The following CORO1A variants were observed in gnomAD, a reference collection of about 807,000 sequenced individuals.
The protein encoded by CORO1A is coronin-1A.
Under a neutral mutation model 44.1 loss-of-function variants are expected in CORO1A, and 17 were observed. The ratio of observed to expected loss-of-function variants is 0.39; its 90% CI spans 0.26 to 0.58. CORO1A has a LOEUF of 0.58. CORO1A is among the 20% of genes least tolerant of loss of function. The probability of loss-of-function intolerance (pLI) is 0.62; values close to 1 mark genes in which losing one functional copy is unlikely to be tolerated. For missense variants in CORO1A, 415 were observed against 606.5 expected, an observed-to-expected ratio of 0.68 and a Z score of 3.32; for synonymous variants, 271 against 244.2, an observed-to-expected ratio of 1.11 and a Z score of -1.02.
At chr16:30,187,357 A>G in intron 5 of CORO1A, 25 bp from the exon 6 acceptor site, 1 of 1,608,932 alleles carries the variant, frequency 6.2e-7, no homozygotes, top group Non-Finnish European at 8.5e-7. Context: ...CGGGTGCCTG[A>G]CCTACCACCT....
Position 30,188,414 on chromosome 16 carries a change from C to T in CORO1A, c.1119C>T (p.Ala373=), listed in dbSNP as rs1281396825. 5.6e-6 allele frequency: 9 copies of T among 1,613,756 alleles called. No individual in the cohort carries two copies. Among genetic ancestry groups the T allele is most frequent in the Non-Finnish European group, 7.6e-6 (9 of 1,180,012 alleles). ...LYPPTAGPDP[A]LTAEEWLGGR... Reference sequence around the variant, plus strand: ...CACCCACCGCAGGGCCCGACCCTGCCCTCACGGCTGAGGAGTGGCTGGGGG... The same window carrying T: ...CACCCACCGCAGGGCCCGACCCTGCTCTCACGGCTGAGGAGTGGCTGGGGG... The change falls in exon 10 of 11, where the codon GCC becomes GCT. Residue 373 remains alanine, a synonymous_variant. Coordinates refer to ENST00000219150, the MANE Select transcript of CORO1A (RefSeq NM_007074.4).
In CORO1A at chr16:30,187,433, T is replaced by A; in HGVS notation, c.688T>A (p.Ser230Thr). The stretch of plus-strand genomic sequence containing the variant: ...CCGGCCCGTGCGTGCAGTGTTCGTG[T>A]CGGAGGGGAAGATCCTGACCACGGG... ...GTRPVRAVFV[S>T]EGKILTTGFS... Residue 230 changes from serine to threonine, a missense_variant, in exon 6 of 11, where the codon TCG (serine) becomes ACG (threonine). Transcript: ENST00000219150. 6.2e-7 allele frequency: 1 copy of A among 1,610,882 alleles called. No individual in the cohort carries two copies. Among genetic ancestry groups the A allele is most frequent in the Non-Finnish European group, 8.5e-7 (1 of 1,180,002 alleles).
rs1209635665 is a variant in CORO1A, at chr16:30,186,580, G to A, written c.199-18G>A. The stretch of plus-strand genomic sequence containing the variant: ...TTTGGGAGGCAAAAGCACCTCCAAG[G>A]CCCTGCTGTGCCTTTAGACTGGACG... On this transcript the variant is annotated intron_variant, in intron 2 of 10. Coordinates refer to ENST00000219150, the MANE Select transcript of CORO1A (RefSeq NM_007074.4). The A allele has an allele frequency of 2.5e-6, 4 of 1,612,070 alleles. No homozygotes were observed. The highest frequency in any genetic ancestry group is 3.3e-5 in the Admixed American group (2 of 60,030).
Position 30,184,652 on chromosome 16 carries a change from A to G in CORO1A, c.-1-557A>G, listed in dbSNP as rs1242239600. 5.2e-6 allele frequency: 1 copy of G among 190,864 alleles called. No homozygotes were observed. The highest frequency in any genetic ancestry group is 1.1e-5 in the Non-Finnish European group (1 of 90,182). 11.8% of individuals were successfully genotyped at this position (190,864 alleles called of 1,614,324 possible). The stretch of plus-strand genomic sequence containing the variant: ...GGAGATACCTGGACCTGAGCCAGAG[A>G]CCTGCTGGGGAAGCTATCCTGCCGC... On this transcript the variant is annotated intron_variant, in intron 1 of 10. Coordinates refer to ENST00000219150, the MANE Select transcript of CORO1A (RefSeq NM_007074.4). This position sits in a 1 kb window ranked among gnomAD's most constrained non-coding sequence, Gnocchi z 4.3.
In CORO1A at chr16:30,184,970, G is replaced by C. The variant is rs761633020; in HGVS notation, c.-1-239G>C. The C allele has an allele frequency of 6.6e-6, 4 of 604,924 alleles. No homozygotes were observed. Among genetic ancestry groups the C allele is most frequent in the South Asian group, 5.7e-5 (3 of 52,690 alleles). The allele number at this position is 604,924 out of a possible 1,614,324, so 37.5% of individuals were successfully genotyped here. A position where few individuals can be genotyped will look rare whatever the true frequency, so the allele number is the denominator to read the frequency against. ...CTCTGTTGCAGAGGCTGAGGGTACA[G>C]ATTGAGAGGGTGGCTCAGAGTGGCC... is the stretch of plus-strand genomic sequence containing the variant. On this transcript the variant is annotated intron_variant, in intron 1 of 10. Coordinates refer to ENST00000219150, the MANE Select transcript of CORO1A (RefSeq NM_007074.4). The surrounding 1 kb of genome is among the most constrained non-coding windows in gnomAD (Gnocchi z 4.3).
At chr16:30,186,436 G>A in intron 2 of CORO1A, 162 bp from the exon 3 acceptor site, 1 of 823,222 alleles carries the variant, frequency 1.2e-6, no homozygotes, top group East Asian at 2.6e-5. Flanking sequence ...TTTTGGGACT[G>A]GAACAAGAGA....
In CORO1A at chr16:30,187,791, T is replaced by A. The variant is rs2073359609; in HGVS notation, c.823T>A (p.Phe275Ile). 1 of 1,599,122 alleles carries A rather than the reference T, an allele frequency of 6.3e-7. No individual in the cohort carries two copies. The highest frequency in any genetic ancestry group is 1.7e-5 in the Admixed American group (1 of 58,916). The change falls in exon 7 of 11, where the codon TTT (phenylalanine) becomes ATT (isoleucine). Residue 275 changes from phenylalanine to isoleucine, a missense_variant. This residue lies in a region of CORO1A where 325 missense variants were observed against 521.7 expected (regional missense o/e 0.62). Coordinates refer to ENST00000219150, the MANE Select transcript of CORO1A (RefSeq NM_007074.4). ...CAGCAGCGGTGTCCTGCTGCCCTTC[T>A]TTGACCCTGACACCAACATCGTCTA... Reference protein sequence around the residue: ...DTSSGVLLPFFDPDTNIVYLC... With the variant: ...DTSSGVLLPFIDPDTNIVYLC...
intron 2 of CORO1A, chr16:30,185,815 C>T (rs1311171966): frequency 4.2e-5 from 11 of 259,568 alleles, no homozygotes; most frequent in Non-Finnish European, 8.4e-5. Context: ...TCCCCCAGCT[C>T]GCAGGCAGGG....
At chr16:30,187,635 C>T (rs762949797) in intron 6 of CORO1A, 90 bp from the exon 7 acceptor site, 15 of 1,485,968 alleles carry the variant, frequency 1.0e-5, no homozygotes, top group Non-Finnish European at 5.6e-6. Flanking sequence ...GTTGTTCCCA[C>T]TGGTTGGTCG....
rs374088140 is a variant in CORO1A at position 30,187,456 on chromosome 16, G to C, written c.711G>C (p.Thr237=). Residue 237 remains threonine, a synonymous_variant, in exon 6 of 11, where the codon ACG becomes ACC. Coordinates refer to ENST00000219150, the MANE Select transcript of CORO1A (RefSeq NM_007074.4). ...TGTCGGAGGGGAAGATCCTGACCAC[G>C]GGCTTCAGCCGCATGAGTGAGCGGC... is the stretch of plus-strand genomic sequence containing the variant. ...VFVSEGKILT[T]GFSRMSERQV... is the part of the protein sequence containing the mutation. 1.2e-6 allele frequency: 2 copies of C among 1,609,318 alleles called. No homozygotes were observed. The highest frequency in any genetic ancestry group is 1.7e-6 in the Non-Finnish European group (2 of 1,180,014).
rs2073301383 is a variant in CORO1A at position 30,183,796 on chromosome 16, G to T, written c.-2+71G>T. The T allele has an allele frequency of 6.6e-6, 1 of 151,510 alleles. No homozygotes were observed. Among genetic ancestry groups the T allele is most frequent in the Non-Finnish European group, 1.5e-5 (1 of 67,864 alleles). The allele number at this position is 151,510 out of a possible 1,614,324, so 9.4% of individuals were successfully genotyped here. A position where few individuals can be genotyped will look rare whatever the true frequency, so the allele number is the denominator to read the frequency against. ...CCTGTGGGGCGGCGCGCGCGTGGGA[G>T]CCGCGGGCTGCGGGGGCGCGCGGCT... On this transcript the variant is annotated intron_variant, in intron 1 of 10. Transcript: ENST00000219150. The surrounding 1 kb of genome is among the most constrained non-coding windows in gnomAD (Gnocchi z 5.0).
intron 3 of CORO1A, 25 bp downstream of exon 3, chr16:30,186,745 G>A (rs756257846): frequency 7.5e-6 from 12 of 1,610,430 alleles, no homozygotes; most frequent in Non-Finnish European, 1.0e-5. Flanking sequence ...GGACCCAGGG[G>A]CTGGGAGAGG....
Position 30,187,922 on chromosome 16 carries a change from T to C in CORO1A, c.862-20T>C, listed in dbSNP as rs2073362261. On this transcript the variant is annotated intron_variant, in intron 7 of 10. Coordinates refer to ENST00000219150, the MANE Select transcript of CORO1A (RefSeq NM_007074.4). ...GGCATCCGCTGGTATTGACCCTCCC[T>C]CCACACCTGCCACCTACAGGGTGAC... 2 of 1,613,734 alleles carry C rather than the reference T, an allele frequency of 1.2e-6. No homozygotes were observed. The highest frequency in any genetic ancestry group is 1.7e-6 in the Non-Finnish European group (2 of 1,179,904).
chr16:30,186,451 C>T, intron 2 of CORO1A, 147 bp from the exon 3 acceptor site: 1 of 949,514 alleles, frequency 1.1e-6, no homozygotes, highest in Non-Finnish European at 1.6e-6. Context: ...AAGAGAAGAA[C>T]AACCCGCCCC....
rs560890434 is a variant in CORO1A at position 30,185,488 on chromosome 16, C to T, written c.198+81C>T. The T allele has an allele frequency of 3.8e-5, 47 of 1,241,760 alleles. No homozygotes were observed. In the Middle Eastern group the frequency reaches 7.8e-4, roughly 21 times the overall value. The allele number at this position is 1,241,760 out of a possible 1,614,324, so 76.9% of individuals were successfully genotyped here. Reference sequence around the variant, plus strand: ...GCAGGTCCTGATTAGGTGACGGTCACCAGGCCTTCCAGGGCCTGTGTTGCC... The same window carrying T: ...GCAGGTCCTGATTAGGTGACGGTCATCAGGCCTTCCAGGGCCTGTGTTGCC... On this transcript the variant is annotated intron_variant, in intron 2 of 10. Transcript: ENST00000219150.
intron 6 of CORO1A, 34 bp from the exon 7 acceptor site, chr16:30,187,691 G>C (rs758965652): frequency 6.5e-6 from 10 of 1,547,828 alleles, no homozygotes; most frequent in African/African-American, 2.7e-5. Flanking sequence ...ACCATCCCAG[G>C]GCCTGGGATG....
chr16:30,186,974 G>C (rs768657192), intron 4 of CORO1A, 29 bp downstream of exon 4: 1 of 1,612,762 alleles, frequency 6.2e-7, no homozygotes, highest in Non-Finnish European at 8.5e-7. Context: ...CTTGGGGGTG[G>C]CTCGTGGCCT....
At chr16:30,185,789 G>A in intron 2 of CORO1A, 1 of 297,848 alleles carries the variant, frequency 3.4e-6, no homozygotes, top group Non-Finnish European at 6.5e-6. Context: ...GCCTGTCTGA[G>A]GACCTAGCAA....
chr16:30,184,993 G>C lies in CORO1A; in HGVS notation c.-1-216G>C. 1.6e-6 allele frequency: 1 copy of C among 628,386 alleles called. No individual in the cohort carries two copies. Among genetic ancestry groups the C allele is most frequent in the East Asian group, 2.7e-5 (1 of 36,440 alleles). 38.9% of individuals were successfully genotyped at this position (628,386 alleles called of 1,614,324 possible). ...CAGATTGAGAGGGTGGCTCAGAGTG[G>C]CCTGGGGCCAGGGAGAAGGGGGCTT... is the stretch of plus-strand genomic sequence containing the variant. On this transcript the variant is annotated intron_variant, in intron 1 of 10. Transcript: ENST00000219150. This position sits in a 1 kb window ranked among gnomAD's most constrained non-coding sequence, Gnocchi z 4.3.
Sources: gnomAD v4.1 joint callset for allele counts on GRCh38, gnomAD v4.1.1 for gene constraint, gnomAD v4.1.1 regional missense constraint, Gnocchi (gnomAD v3.1) non-coding constraint, MANE v1.5 for transcripts, NCBI Gene and HGNC (gene_info 2026-07-23, HGNC 2026-07-21) for gene names.